PCDH15: variants seen among roughly 807,000 people sequenced by gnomAD.
PCDH15 encodes the protein protocadherin-15.
A neutral mutation model predicts 178.5 loss-of-function variants in PCDH15; 129 were observed. The observed-to-expected ratio is 0.72, with a 90% CI of 0.63 to 0.84. PCDH15 has a LOEUF of 0.84. PCDH15 is among the 40% of genes least tolerant of loss of function. The pLI is 0.00. For synonymous variants in PCDH15, 800 were observed against 732.0 expected, an observed-to-expected ratio of 1.09 and a Z score of -1.50; for missense variants, 2,230 against 2,099.9, an observed-to-expected ratio of 1.06 and a Z score of -1.21.
chr10:53,826,778 C>T (rs1197524725), intron 32 of PCDH15, among the ~76,000 whole-genome samples: 2 of 152,030 alleles, frequency 1.3e-5, no homozygotes, highest in Non-Finnish European at 2.9e-5. Context: ...TCGGTAATCA[C>T]CGCAGTCTGA....
intron 15 of PCDH15, among the ~76,000 whole-genome samples, chr10:54,106,041 C>A (rs1305053812): frequency 6.6e-6 from 1 of 152,132 alleles, no homozygotes; most frequent in Non-Finnish European, 1.5e-5. Context: ...ATAGATCACA[C>A]ATTGCATGAT....
intron 18 of PCDH15, among the ~76,000 whole-genome samples, chr10:54,040,762 T>A (rs1316528118): frequency 6.6e-6 from 1 of 152,030 alleles, no homozygotes; most frequent in Non-Finnish European, 1.5e-5. Flanking sequence ...CACTAGAGTG[T>A]CACACTACAA....
chr10:54,668,155 A>G (rs1326966126), intron 1 of PCDH15, among the ~76,000 whole-genome samples: 1 of 152,094 alleles, frequency 6.6e-6, no homozygotes, highest in Non-Finnish European at 1.5e-5. Flanking sequence ...TGGAGGGTCT[A>G]CTAGATACCA....
At chr10:55,582,408 A>G (rs1273495963) in intron 2 of PCDH15, among the ~76,000 whole-genome samples, 1 of 151,932 alleles carries the variant, frequency 6.6e-6, no homozygotes, top group East Asian at 1.9e-4. Flanking sequence ...AGAAAGGTCT[A>G]TATGCACATT....
intron 10 of PCDH15, among the ~76,000 whole-genome samples, chr10:54,200,214 A>T (rs1399857962): frequency 6.6e-6 from 1 of 151,840 alleles, no homozygotes; most frequent in East Asian, 1.9e-4. Context: ...ATTCTAGGAT[A>T]GAAGAAAGAA....
chr10:53,807,788 C>T (rs780447314), intron 37 of PCDH15, among the ~76,000 whole-genome samples: 12 of 152,096 alleles, frequency 7.9e-5, no homozygotes, highest in Non-Finnish European at 1.8e-4. Flanking sequence ...GCATCATTTA[C>T]CTAGTAATAC....
intron 18 of PCDH15, among the ~76,000 whole-genome samples, chr10:54,049,490 T>C (rs2093721657): frequency 6.6e-6 from 1 of 152,246 alleles, no homozygotes; most frequent in South Asian, 2.1e-4. Context: ...TTCAGTATGA[T>C]GTTGGCTGTG....
chr10:55,502,946 G>A (rs1287272237), intron 2 of PCDH15, among the ~76,000 whole-genome samples: 1 of 151,368 alleles, frequency 6.6e-6, no homozygotes, highest in Non-Finnish European at 1.5e-5. Flanking sequence ...ACCTAACTGT[G>A]CAAAATAAAT....
At chr10:54,236,381 T>A (rs1011057269) in intron 9 of PCDH15, among the ~76,000 whole-genome samples, 7 of 147,654 alleles carry the variant, frequency 4.7e-5, no homozygotes, top group Admixed American at 3.4e-4. Flanking sequence ...CTCTCTCACC[T>A]TTTTTTTTTA....
chr10:54,204,266 G>A (rs1467002598), intron 10 of PCDH15, among the ~76,000 whole-genome samples: 1 of 151,728 alleles, frequency 6.6e-6, no homozygotes, highest in Non-Finnish European at 1.5e-5. Flanking sequence ...ATCCTGAGTT[G>A]GTTACAGTAC....
chr10:54,812,615 T>C (rs1952882747), intron 3 of PCDH15, among the ~76,000 whole-genome samples: 1 of 152,048 alleles, frequency 6.6e-6, no homozygotes, highest in Non-Finnish European at 1.5e-5. Flanking sequence ...CCCACCACCA[T>C]GCCCAGGTAA....
upstream of PCDH15, among the ~76,000 whole-genome samples, chr10:55,323,228 A>T (rs1843950701): frequency 6.6e-6 from 1 of 152,224 alleles, no homozygotes; most frequent in African/African-American, 2.4e-5. Context: ...TCCAGGCTGA[A>T]GTTTGCTGCA....
intron 11 of PCDH15, among the ~76,000 whole-genome samples, chr10:54,193,348 A>C (rs1406851466): frequency 6.6e-6 from 1 of 152,130 alleles, no homozygotes; most frequent in Non-Finnish European, 1.5e-5. Context: ...AAATACATAA[A>C]TTTTGCTATT....
At chr10:54,574,696 T>C (rs1448416084) in intron 2 of PCDH15, among the ~76,000 whole-genome samples, 1 of 150,012 alleles carries the variant, frequency 6.7e-6, no homozygotes, top group Non-Finnish European at 1.5e-5. Flanking sequence ...TTTTACACTG[T>C]TGGTGGGACT....
At chr10:54,016,092 T>G (rs2610867) in intron 20 of PCDH15, among the ~76,000 whole-genome samples, 18,188 of 151,920 alleles carry the variant, frequency 0.12, 3,177 homozygotes, top group African/African-American at 0.38. Flanking sequence ...ACCTCCCACT[T>G]AAAAAGTGGG....
intron 2 of PCDH15, among the ~76,000 whole-genome samples, chr10:55,047,617 T>C (rs769685053): frequency 3.3e-5 from 5 of 151,816 alleles, no homozygotes; most frequent in Non-Finnish European, 7.4e-5. Flanking sequence ...TTTGGAGAGA[T>C]GCAAGGGTAC....
intron 28 of PCDH15, among the ~76,000 whole-genome samples, chr10:53,847,398 T>A (rs1393164009): frequency 1.3e-5 from 2 of 152,040 alleles, no homozygotes; most frequent in East Asian, 3.9e-4. Context: ...GCTGGAGGGA[T>A]AAAAATACAG....
intron 25 of PCDH15, among the ~76,000 whole-genome samples, chr10:53,916,269 C>A (rs2083521199): frequency 6.6e-6 from 1 of 152,104 alleles, no homozygotes; most frequent in Non-Finnish European, 1.5e-5. Context: ...ACTGTATAGT[C>A]ATGAGGAAAT....
At chr10:55,139,873 C>T (rs1838300013) in intron 2 of PCDH15, among the ~76,000 whole-genome samples, 1 of 151,876 alleles carries the variant, frequency 6.6e-6, no homozygotes, top group African/African-American at 2.4e-5. Context: ...AAAGAGAAGT[C>T]ACATCTTTGC....
Sources: allele counts gnomAD v4.1 joint callset (sites outside exome capture counted in the v4.1 genomes callset), GRCh38; gene constraint gnomAD v4.1.1; transcripts MANE v1.5; gene names NCBI Gene and HGNC (gene_info 2026-07-23, HGNC 2026-07-21).